BCAS3: variants seen among roughly 807,000 people sequenced by gnomAD.
BCAS3 encodes BCAS4/BCAS3 fusion.
Under a neutral mutation model 116.1 loss-of-function variants are expected in BCAS3, and 53 were observed. The observed-to-expected ratio is 0.46, with a 90% confidence interval of 0.37 to 0.57. BCAS3 has a LOEUF of 0.57. Among genes scored for constraint, BCAS3 ranks in the 20% least tolerant of loss-of-function variants. The pLI is 0.00. For synonymous variants in BCAS3, 391 were observed against 408.2 expected (o/e 0.96, Z 0.51); for missense variants, 917 against 1,165.4 (o/e 0.79, Z 3.10).
At chr17:61,298,417 T>A (rs2053132685) in intron 22 of BCAS3, among the ~76,000 whole-genome samples, 1 of 152,148 alleles carries the variant, frequency 6.6e-6, no homozygotes, top group Admixed American at 6.5e-5. Context: ...AGACTGCATT[T>A]CTCATTGATC....
rs536738231 is a variant in BCAS3, at chr17:61,081,091, G to T, written c.2327+2562G>T. Among the ~76,000 whole-genome samples, 8 of 152,292 alleles carry T rather than the reference G, an allele frequency of 5.3e-5. No individual in the cohort carries two copies. The South Asian group carries it at 1.7e-3, about 32-fold the overall frequency. Reference sequence around the variant, plus strand: ...CTCAACTTAGTGATTCAGTGTACTCGTGTTTACAACAGTCATTTGGTTATT... The same window carrying T: ...CTCAACTTAGTGATTCAGTGTACTCTTGTTTACAACAGTCATTTGGTTATT... On this transcript the variant is annotated intron_variant, in intron 21 of 23. Transcript: ENST00000407086.
chr17:61,147,986 C>CAAA lies in BCAS3; in HGVS notation c.2425+63423_2425+63424insAAA, dbSNP rs10634673. Among the ~76,000 whole-genome samples the CAAA allele has an allele frequency of 2.9e-3, 438 of 148,708 alleles. 3 individuals are homozygous for CAAA. Among genetic ancestry groups the CAAA allele is most frequent in the Admixed American group, 8.4e-3 (126 of 14,956 alleles). On this transcript the variant is annotated intron_variant, in intron 22 of 23. Coordinates refer to ENST00000407086, the MANE Select transcript of BCAS3 (RefSeq NM_017679.5). ...GGGAAACAAGAGTGAAACTCTGTCT[C>CAAA]AGAAAAAAAAAGAAAGAAAGAAATG...
rs187542849 is a variant in BCAS3, at chr17:60,740,733, G to A, written c.322-6465G>A. ...AAAGGTAAGAGGAGATTGGATTTGG[G>A]TATTTACCTTTCCCCAGGTAGGTTA... is the stretch of plus-strand genomic sequence containing the variant. On this transcript the variant is annotated intron_variant, in intron 5 of 23. Transcript: ENST00000407086. Among the ~76,000 whole-genome samples the A allele has an allele frequency of 9.3e-4, 142 of 152,106 alleles. 1 individual carries two copies. The highest frequency in any genetic ancestry group is 3.9e-3 in the Admixed American group (59 of 15,266).
Position 61,222,024 on chromosome 17 carries a change from A to G in BCAS3, c.2425+137460A>G, listed in dbSNP as rs938166407. 2.0e-5 allele frequency among the ~76,000 whole-genome samples: 3 copies of G among 152,212 alleles called. No individual in the cohort carries two copies. Among genetic ancestry groups the G allele is most frequent in the African/African-American group, 7.2e-5 (3 of 41,456 alleles). ...GACGTGCTTAACAGGGGCTGATATT[A>G]CTATTACTATTAAGAATACATACCT... is the stretch of plus-strand genomic sequence containing the variant. On this transcript the variant is annotated intron_variant, in intron 22 of 23. Coordinates refer to ENST00000407086, the MANE Select transcript of BCAS3 (RefSeq NM_017679.5). The surrounding 1 kb of genome is among the most constrained non-coding windows in gnomAD (Gnocchi z 6.1).
At position 61,198,791 on chromosome 17, in the gene BCAS3, G is replaced by A. The variant is rs1470097422; in HGVS notation, c.2425+114227G>A. Among the ~76,000 whole-genome samples the A allele has an allele frequency of 6.6e-6, 1 of 152,182 alleles. No individual in the cohort carries two copies. Among genetic ancestry groups the A allele is most frequent in the Non-Finnish European group, 1.5e-5 (1 of 68,018 alleles). ...GCTTAGAGGTGTCCTCGGAATTTTA[G>A]AACTAACGGTTTAATTTCCTGACTC... On this transcript the variant is annotated intron_variant, in intron 22 of 23. Transcript: ENST00000407086. This position sits in a 1 kb window ranked among gnomAD's most constrained non-coding sequence, Gnocchi z 5.0.
intron 22 of BCAS3, among the ~76,000 whole-genome samples, chr17:61,272,430 C>T (rs766872205): frequency 3.3e-5 from 5 of 151,590 alleles, no homozygotes; most frequent in Non-Finnish European, 7.4e-5. Flanking sequence ...CTCAGGAGCT[C>T]GAGACCATCC....
chr17:60,773,237 A>G (rs977238140), intron 6 of BCAS3, among the ~76,000 whole-genome samples: 2 of 112,296 alleles, frequency 1.8e-5, no homozygotes, highest in African/African-American at 6.9e-5. Context: ...AAATATGCTT[A>G]TTTGTCATGT....
intron 18 of BCAS3, 147 bp downstream of exon 18, chr17:61,038,201 G>A (rs1269012979): frequency 7.7e-6 from 5 of 652,322 alleles, no homozygotes; most frequent in African/African-American, 1.9e-5. Context: ...ACTCTCAAAT[G>A]TTTCTTGGTG....
chr17:61,249,235 C>T lies in BCAS3; in HGVS notation c.2426-119092C>T, dbSNP rs1175385020. Among the ~76,000 whole-genome samples the T allele has an allele frequency of 2.0e-5, 3 of 151,572 alleles. No homozygotes were observed. The highest frequency in any genetic ancestry group is 2.9e-5 in the Non-Finnish European group (2 of 67,912). ...CCAGGAGGCAGAGGCTGCAGTGAGC[C>T]GAGATCACACCACTGCACTCCAGCC... On this transcript the variant is annotated intron_variant, in intron 22 of 23. Transcript: ENST00000407086. This position sits in a 1 kb window ranked among gnomAD's most constrained non-coding sequence, Gnocchi z 6.2.
At chr17:61,330,460 T>A (rs1166221464) in intron 22 of BCAS3, among the ~76,000 whole-genome samples, 1 of 152,230 alleles carries the variant, frequency 6.6e-6, no homozygotes, top group Non-Finnish European at 1.5e-5. Context: ...CACTTTGAAT[T>A]GGCCTGGGCC....
chr17:60,722,717 C>T (rs1010081643), intron 5 of BCAS3, among the ~76,000 whole-genome samples: 31 of 149,466 alleles, frequency 2.1e-4, no homozygotes, highest in African/African-American at 6.2e-4. Flanking sequence ...GCCGAGATTG[C>T]GCCACTGCAC....
intron 14 of BCAS3, among the ~76,000 whole-genome samples, chr17:60,973,896 A>G (rs910161583): frequency 9.2e-5 from 14 of 152,032 alleles, no homozygotes; most frequent in Admixed American, 2.6e-4. Flanking sequence ...CCTGCCTAAA[A>G]ATATTTTTTC....
intron 14 of BCAS3, among the ~76,000 whole-genome samples, chr17:60,978,909 TGTA>T (rs1478080738): frequency 7.1e-6 from 1 of 141,670 alleles, no homozygotes; most frequent in Admixed American, 7.1e-5. Flanking sequence ...ACTGTAGCCT[TGTA>T]GTATAGTTTG....
At chr17:60,985,526 A>G (rs1211812254) in intron 14 of BCAS3, among the ~76,000 whole-genome samples, 1 of 152,194 alleles carries the variant, frequency 6.6e-6, no homozygotes, top group East Asian at 1.9e-4. Flanking sequence ...GCTATCAAAT[A>G]GTAGGTCTTA....
chr17:60,826,470 A>G (rs73318653), intron 7 of BCAS3, among the ~76,000 whole-genome samples: 13,975 of 152,156 alleles, frequency 0.092, 2,144 homozygotes, highest in African/African-American at 0.32. Context: ...CCACCACTAT[A>G]GCTGGTCCAA....
Position 61,134,418 on chromosome 17 carries a change from G to A in BCAS3, c.2425+49854G>A, listed in dbSNP as rs578122133. 3.3e-5 allele frequency among the ~76,000 whole-genome samples: 5 copies of A among 152,210 alleles called. No individual in the cohort carries two copies. Among genetic ancestry groups the A allele is most frequent in the Admixed American group, 6.5e-5 (1 of 15,294 alleles). Reference sequence around the variant, plus strand: ...CAGTAAGCTGGTGGAATGAGGATTCGGAACCACGCATGTCTGACTCCAGAG... The same window carrying A: ...CAGTAAGCTGGTGGAATGAGGATTCAGAACCACGCATGTCTGACTCCAGAG... On this transcript the variant is annotated intron_variant, in intron 22 of 23. Coordinates refer to ENST00000407086, the MANE Select transcript of BCAS3 (RefSeq NM_017679.5). This position sits in a 1 kb window ranked among gnomAD's most constrained non-coding sequence, Gnocchi z 4.6.
chr17:61,030,621 CAA>C (rs1166718619), intron 16 of BCAS3, among the ~76,000 whole-genome samples: 4 of 152,030 alleles, frequency 2.6e-5, no homozygotes, highest in African/African-American at 4.8e-5. Context: ...GAAGAAATGA[CAA>C]AGAGTTAAAC....
intron 13 of BCAS3, among the ~76,000 whole-genome samples, chr17:60,935,853 C>A (rs114770670): frequency 6.6e-6 from 1 of 151,780 alleles, no homozygotes; most frequent in Non-Finnish European, 1.5e-5. Flanking sequence ...AGCTGAGACT[C>A]ACTGACCTTT....
chr17:60,731,633 A>G (rs1350704239), intron 5 of BCAS3, among the ~76,000 whole-genome samples: 2 of 152,006 alleles, frequency 1.3e-5, no homozygotes, highest in Middle Eastern at 3.4e-3. Flanking sequence ...TCTTCCTATT[A>G]TGGAAGATTA....
Sources: gnomAD v4.1 joint callset for allele counts (sites outside exome capture counted in the v4.1 genomes callset) on GRCh38, gnomAD v4.1.1 for gene constraint, Gnocchi (gnomAD v3.1) non-coding constraint, MANE v1.5 for transcripts, NCBI Gene and HGNC (gene_info 2026-07-23, HGNC 2026-07-21) for gene names.